Variants in DCDC1 observed in about 807,000 individuals in gnomAD.
DCDC1 encodes the protein doublecortin domain-containing protein 1.
In DCDC1, 200 loss-of-function variants were observed where a neutral mutation model predicts 178.3. The observed-to-expected ratio is 1.12, with a 90% CI of 1.00 to 1.26. The LOEUF (loss-of-function observed/expected upper bound fraction) is 1.26. Ranked by LOEUF, DCDC1 falls within the 50% of genes most tolerant of loss-of-function variation. The pLI is 0.00. For synonymous variants in DCDC1, 690 were observed against 604.8 expected (o/e 1.14, Z -2.07); for missense variants, 1,983 against 1,749.2 (o/e 1.13, Z -2.38).
intron 11 of DCDC1, among the ~76,000 whole-genome samples, chr11:31,114,530 G>A (rs1468464825): frequency 6.6e-6 from 1 of 152,088 alleles, no homozygotes; most frequent in Non-Finnish European, 1.5e-5. Context: ...TTCAAAGAGG[G>A]AAAACAATTG....
At chr11:31,276,226 A>G (rs184062751) in intron 7 of DCDC1, among the ~76,000 whole-genome samples, 27 of 152,342 alleles carry the variant, frequency 1.8e-4, no homozygotes, top group African/African-American at 5.3e-4. Context: ...GAGTATTTGT[A>G]TACCAAATAG....
At chr11:31,250,622 G>C (rs1943957552) in intron 8 of DCDC1, among the ~76,000 whole-genome samples, 1 of 151,494 alleles carries the variant, frequency 6.6e-6, no homozygotes, top group Non-Finnish European at 1.5e-5. Flanking sequence ...ACATTTGGCA[G>C]AACAGGAGCA....
chr11:30,913,419 CAAA>C (rs996650711), intron 27 of DCDC1, among the ~76,000 whole-genome samples: 2 of 151,578 alleles, frequency 1.3e-5, no homozygotes, highest in African/African-American at 4.8e-5. Flanking sequence ...AAAAAACAAA[CAAA>C]AAAAACTATT....
At position 30,906,653 on chromosome 11, in the gene DCDC1, T is replaced by C; in HGVS notation, c.3991A>G (p.Thr1331Ala). The C allele has an allele frequency of 6.2e-7, 1 of 1,613,716 alleles. No individual in the cohort carries two copies. The highest frequency in any genetic ancestry group is 1.1e-5 in the South Asian group (1 of 91,066). Reference protein sequence around the residue: ...LCLACGQSMRTEKGLKQLLPG... With the variant: ...LCLACGQSMRAEKGLKQLLPG... ...AGCAATTGTTTCAGTCCTTTCTCTGTTCTCATGGATTGTCCACAAGCCAAG... is the reference window on the plus strand; with the variant it reads ...AGCAATTGTTTCAGTCCTTTCTCTGCTCTCATGGATTGTCCACAAGCCAAG... The change falls in exon 30 of 39, where the codon ACA (threonine) becomes GCA (alanine). Residue 1331 changes from threonine to alanine, a missense_variant. Physicochemically the swap from Thr to Ala is moderately conservative, Grantham distance 58. Transcript: ENST00000684477.
intron 9 of DCDC1, among the ~76,000 whole-genome samples, chr11:31,198,473 A>C (rs1385933837): frequency 6.6e-6 from 1 of 152,080 alleles, no homozygotes; most frequent in African/African-American, 2.4e-5. Context: ...TAATGAGAAA[A>C]TAACAGCAGG....
intron 11 of DCDC1, among the ~76,000 whole-genome samples, chr11:31,126,106 G>A (rs1468132521): frequency 2.0e-5 from 3 of 152,038 alleles, no homozygotes; most frequent in South Asian, 2.1e-4. Flanking sequence ...AAGTCACACC[G>A]TAGTTCATAC....
At chr11:30,942,622 T>A (rs1947731548) in intron 21 of DCDC1, among the ~76,000 whole-genome samples, 1 of 152,222 alleles carries the variant, frequency 6.6e-6, no homozygotes, top group African/African-American at 2.4e-5. Context: ...ATATTTCTGA[T>A]GAACATATCT....
rs563421200 is a variant in DCDC1 at position 31,369,693 on chromosome 11, T to A, written c.-125+4A>T. On this transcript the variant is annotated splice_donor_region_variant and intron_variant, in intron 1 of 38. Coordinates refer to ENST00000684477, the MANE Select transcript of DCDC1 (RefSeq NM_001387274.1). ...GCGCCTTTCTTCACAGTTTGGGAACTTACTGGTAGTAAACGCCACTCCATA... is the reference window on the plus strand; with the variant it reads ...GCGCCTTTCTTCACAGTTTGGGAACATACTGGTAGTAAACGCCACTCCATA... 6.5e-6 allele frequency: 1 copy of A among 152,760 alleles called. No individual in the cohort carries two copies. Among genetic ancestry groups the A allele is most frequent in the East Asian group, 1.9e-4 (1 of 5,182 alleles). 9.5% of individuals were successfully genotyped at this position (152,760 alleles called of 1,614,324 possible).
intron 20 of DCDC1, among the ~76,000 whole-genome samples, chr11:31,033,723 A>G (rs1209066351): frequency 1.3e-5 from 2 of 152,230 alleles, no homozygotes; most frequent in African/African-American, 4.8e-5. Context: ...CAGTAGTCCC[A>G]TAAGATCATA....
At chr11:31,202,513 G>C (rs1971410104) in intron 9 of DCDC1, among the ~76,000 whole-genome samples, 1 of 152,174 alleles carries the variant, frequency 6.6e-6, no homozygotes. Context: ...GGAGGTTGCA[G>C]TGAGCCAAGA....
At chr11:31,289,996 G>A (rs910459918) in intron 7 of DCDC1, among the ~76,000 whole-genome samples, 1 of 151,938 alleles carries the variant, frequency 6.6e-6, no homozygotes, top group African/African-American at 2.4e-5. Context: ...GTAAAAAAAT[G>A]TATGTGTGTT....
chr11:31,315,311 T>TTG (rs1949017154), intron 3 of DCDC1, among the ~76,000 whole-genome samples: 1 of 69,476 alleles, frequency 1.4e-5, no homozygotes, highest in African/African-American at 6.6e-5. Context: ...ATACCCTTTT[T>TTG]TTTTTTTTTT....
At chr11:31,048,633 C>T (rs1322897910) in intron 20 of DCDC1, among the ~76,000 whole-genome samples, 2 of 152,100 alleles carry the variant, frequency 1.3e-5, no homozygotes, top group Non-Finnish European at 2.9e-5. Context: ...GTGGGTAGAT[C>T]ACGAGGTCAG....
chr11:30,943,317 T>C (rs956011761), intron 21 of DCDC1: 8 of 162,286 alleles, frequency 4.9e-5, no homozygotes, highest in Non-Finnish European at 1.1e-4. Flanking sequence ...ATTAACAATA[T>C]AATATATTCT....
At chr11:31,141,230 T>C (rs1258701056) in intron 9 of DCDC1, among the ~76,000 whole-genome samples, 1 of 152,206 alleles carries the variant, frequency 6.6e-6, no homozygotes, top group South Asian at 2.1e-4. Flanking sequence ...ATCTCTTTTA[T>C]AGGAGAAAAA....
intron 1 of DCDC1, among the ~76,000 whole-genome samples, chr11:31,359,328 G>T (rs1297748975): frequency 6.7e-6 from 1 of 149,874 alleles, no homozygotes; most frequent in African/African-American, 2.5e-5. Flanking sequence ...GTAAACTATC[G>T]CAAGAACAAA....
intron 1 of DCDC1, among the ~76,000 whole-genome samples, chr11:31,361,618 C>T (rs1951713540): frequency 1.3e-5 from 2 of 152,056 alleles, no homozygotes; most frequent in South Asian, 4.1e-4. Context: ...GTAGCTGGCA[C>T]TACAGGCATG....
intron 11 of DCDC1, among the ~76,000 whole-genome samples, chr11:31,127,087 T>C (rs1009949902): frequency 6.6e-6 from 1 of 152,242 alleles, no homozygotes; most frequent in African/African-American, 2.4e-5. Context: ...TCAATTTCTA[T>C]TGCCACTGTC....
intron 11 of DCDC1, among the ~76,000 whole-genome samples, chr11:31,115,904 G>C (rs1469412113): frequency 1.3e-5 from 2 of 151,036 alleles, no homozygotes; most frequent in African/African-American, 2.4e-5. Flanking sequence ...GCTGCCCCGA[G>C]GGTGGGAGCC....
Sources: allele counts gnomAD v4.1 joint callset (sites outside exome capture counted in the v4.1 genomes callset), GRCh38; gene constraint gnomAD v4.1.1; transcripts MANE v1.5; gene names NCBI Gene and HGNC (gene_info 2026-07-23, HGNC 2026-07-21).